DNAH14: variants seen among roughly 807,000 people sequenced by gnomAD.
DNAH14 encodes the protein axonemal beta dynein heavy chain 14.
In DNAH14, 478 loss-of-function variants were observed where a neutral mutation model predicts 520.9. That is an observed-to-expected ratio of 0.92 (90% CI 0.85 to 0.99). The LOEUF (loss-of-function observed/expected upper bound fraction) is 0.99. Ranked by LOEUF, DNAH14 falls within the 50% of genes least tolerant of loss-of-function variation. The pLI is 0.00. For synonymous variants in DNAH14, 1,581 were observed against 1,757.2 expected (o/e 0.90, Z 2.51); for missense variants, 4,831 against 5,234.5 (o/e 0.92, Z 2.38).
Position 224,944,096 on chromosome 1 carries a change from G to A in DNAH14, c.-33-8574G>A, listed in dbSNP as rs544613961. 5.3e-5 allele frequency among the ~76,000 whole-genome samples: 8 copies of A among 152,182 alleles called. No homozygotes were observed. The East Asian group carries it at 7.8e-4, about 15-fold the overall frequency. On this transcript the variant is annotated intron_variant, in intron 1 of 85. Transcript: ENST00000682510. ...ATGTGTCTAATGTTGACAGTGGGGT[G>A]TTAAAGTCTCCCATTATTATTGTGT...
intron 19 of DNAH14, 64 bp from the exon 20 acceptor site, chr1:225,082,485 A>T (rs1026691457): frequency 2.4e-6 from 3 of 1,246,590 alleles, no homozygotes; most frequent in Non-Finnish European, 3.2e-6. Flanking sequence ...TTATTTTCTC[A>T]ATTTTTTTGG....
chr1:224,994,251 C>CGACA (rs1166921194), intron 8 of DNAH14, among the ~76,000 whole-genome samples: 1 of 151,984 alleles, frequency 6.6e-6, no homozygotes, highest in Admixed American at 6.6e-5. Flanking sequence ...TCTGAATGAT[C>CGACA]TGTCCATTGT....
intron 17 of DNAH14, among the ~76,000 whole-genome samples, chr1:225,069,961 C>G (rs1443359302): frequency 1.3e-5 from 2 of 151,972 alleles, no homozygotes; most frequent in African/African-American, 4.8e-5. Flanking sequence ...AGGAATGTAT[C>G]CATTTCTTCT....
intron 28 of DNAH14, among the ~76,000 whole-genome samples, chr1:225,143,504 G>A (rs559195738): frequency 6.6e-6 from 1 of 152,144 alleles, no homozygotes; most frequent in South Asian, 2.1e-4. Flanking sequence ...GGGCTCACAA[G>A]GATATACACA....
intron 11 of DNAH14, among the ~76,000 whole-genome samples, chr1:225,025,120 T>C (rs564771748): frequency 6.6e-6 from 1 of 152,130 alleles, no homozygotes; most frequent in Non-Finnish European, 1.5e-5. Flanking sequence ...GATGTATTAC[T>C]TGAGTCCAGG....
Position 224,982,976 on chromosome 1 carries a change from C to T in DNAH14, c.830+8823C>T, listed in dbSNP as rs184105554. On this transcript the variant is annotated intron_variant, in intron 8 of 85. Coordinates refer to ENST00000682510, the MANE Select transcript of DNAH14 (RefSeq NM_001367479.1). ...ATATATCTGATAAGTCCATTTGTTC[C>T]GAGGTACAGTTTAAATCCATTATTT... 2.0e-4 allele frequency among the ~76,000 whole-genome samples: 31 copies of T among 152,232 alleles called. No homozygotes were observed. The Middle Eastern group carries it at 0.017, about 84-fold the overall frequency.
At chr1:225,273,825 G>A (rs1476992897) in intron 52 of DNAH14, among the ~76,000 whole-genome samples, 1 of 152,188 alleles carries the variant, frequency 6.6e-6, no homozygotes, top group African/African-American at 2.4e-5. Flanking sequence ...GAATGTGACT[G>A]AATGGAGCAG....
In DNAH14 at chr1:224,997,434, T is replaced by G. The variant is rs140669389; in HGVS notation, c.831-5349T>G. 3.8e-3 allele frequency among the ~76,000 whole-genome samples: 578 copies of G among 150,486 alleles called. 2 individuals are homozygous for G. The highest frequency in any genetic ancestry group is 8.4e-3 in the East Asian group (43 of 5,104). ...TCTTATCCTTCAAAGGCAGGTTTTTTTTTGTTTGTTTGTTTGTTTGTTTGT... is the reference window on the plus strand; with the variant it reads ...TCTTATCCTTCAAAGGCAGGTTTTTGTTTGTTTGTTTGTTTGTTTGTTTGT... On this transcript the variant is annotated intron_variant, in intron 8 of 85. Transcript: ENST00000682510.
chr1:225,058,706 T>C (rs2069531463), intron 17 of DNAH14, among the ~76,000 whole-genome samples: 1 of 152,178 alleles, frequency 6.6e-6, no homozygotes, highest in Non-Finnish European at 1.5e-5. Flanking sequence ...CTTTGAATGT[T>C]TCGCAGAGAT....
intron 13 of DNAH14, among the ~76,000 whole-genome samples, chr1:225,043,483 T>G (rs981962461): frequency 2.0e-5 from 3 of 152,170 alleles, no homozygotes; most frequent in African/African-American, 7.2e-5. Context: ...CATTTTCATC[T>G]CAAAACCCAA....
chr1:225,312,132 TTAG>T (rs2094379850), intron 60 of DNAH14, among the ~76,000 whole-genome samples: 2 of 152,178 alleles, frequency 1.3e-5, no homozygotes, highest in South Asian at 4.1e-4. Context: ...TGAGCTGTGG[TTAG>T]TAGTCCTCCC....
At chr1:224,964,106 T>A (rs2061003806) in intron 4 of DNAH14, among the ~76,000 whole-genome samples, 1 of 152,070 alleles carries the variant, frequency 6.6e-6, no homozygotes, top group African/African-American at 2.4e-5. Flanking sequence ...ATGAGCATCC[T>A]TAGGAAAAAT....
Position 224,968,813 on chromosome 1 carries a change from T to TGG in DNAH14, c.707_708dup (p.Leu237GlyfsTer22). ...AGTAGAACTCATACCTACTTTGGAA[T>TGG]GGCTATCAGAAAGAAGACATTACTA... On this transcript the variant is annotated frameshift_variant, in exon 7 of 86. Coordinates refer to ENST00000682510, the MANE Select transcript of DNAH14 (RefSeq NM_001367479.1). LOFTEE classifies it high-confidence loss of function. The TGG allele has an allele frequency of 6.5e-7, 1 of 1,543,268 alleles. No individual in the cohort carries two copies. Among genetic ancestry groups the TGG allele is most frequent in the South Asian group, 1.2e-5 (1 of 82,390 alleles).
intron 27 of DNAH14, among the ~76,000 whole-genome samples, chr1:225,130,562 T>C (rs994161455): frequency 3.4e-5 from 5 of 148,552 alleles, no homozygotes; most frequent in African/African-American, 1.2e-4. Context: ...CAGTAAAATA[T>C]CGCAAGGATA....
intron 8 of DNAH14, among the ~76,000 whole-genome samples, chr1:224,997,438 G>T (rs867568509): frequency 0.016 from 2,127 of 137,220 alleles, 23 homozygotes; most frequent in African/African-American, 0.029. Context: ...GTTTTTTTTT[G>T]TTTGTTTGTT....
intron 61 of DNAH14, among the ~76,000 whole-genome samples, chr1:225,320,149 C>A (rs2094534020): frequency 6.6e-6 from 1 of 152,176 alleles, no homozygotes; most frequent in South Asian, 2.1e-4. Context: ...TGGTTAAGCA[C>A]ATGGGCTCTG....
chr1:225,322,085 C>CTTTTTTTTTTTT (rs3047035), intron 61 of DNAH14, among the ~76,000 whole-genome samples: 7 of 90,170 alleles, frequency 7.8e-5, no homozygotes, highest in African/African-American at 1.2e-4. Context: ...TTTTTTCTTT[C>CTTTTTTTTTTTT]TTTTTTTTTT....
intron 83 of DNAH14, among the ~76,000 whole-genome samples, chr1:225,392,068 C>T (rs1401496817): frequency 1.3e-5 from 2 of 152,176 alleles, no homozygotes; most frequent in African/African-American, 2.4e-5. Context: ...CCTTGAAAAA[C>T]AACCCACATT....
At chr1:225,086,895 A>G (rs991547128) in intron 21 of DNAH14, among the ~76,000 whole-genome samples, 13 of 152,184 alleles carry the variant, frequency 8.5e-5, no homozygotes, top group African/African-American at 3.1e-4. Flanking sequence ...AAGCCCTATG[A>G]AAATGAATAT....
Sources: gnomAD v4.1 joint callset for allele counts (sites outside exome capture counted in the v4.1 genomes callset) on GRCh38, gnomAD v4.1.1 for gene constraint, MANE v1.5 for transcripts, NCBI Gene and HGNC (gene_info 2026-07-23, HGNC 2026-07-21) for gene names.